The following MACROD2 variants were observed in gnomAD, a reference collection of about 807,000 sequenced individuals.
MACROD2 encodes ADP-ribose glycohydrolase MACROD2.
MACROD2 carries 36 observed loss-of-function variants against 70.4 expected under a neutral mutation model. That is an observed-to-expected ratio of 0.51 (90% confidence interval 0.39 to 0.68). The LOEUF is 0.68. MACROD2 is among the 30% of genes least tolerant of loss of function. The probability of loss-of-function intolerance (pLI) is 0.00; values close to 1 mark genes in which losing one functional copy is unlikely to be tolerated. For missense variants in MACROD2, 496 were observed against 538.4 expected (o/e 0.92, Z 0.78); for synonymous variants, 172 against 178.8 (o/e 0.96, Z 0.30).
At chr20:15,854,748 G>A (rs1283772417) in intron 8 of MACROD2, among the ~76,000 whole-genome samples, 1 of 152,184 alleles carries the variant, frequency 6.6e-6, no homozygotes, top group Non-Finnish European at 1.5e-5. Context: ...TAATTAATCT[G>A]TAGTGATTGC....
At chr20:15,968,836 TATAC>T (rs1167971149) in intron 13 of MACROD2, among the ~76,000 whole-genome samples, 2 of 101,098 alleles carry the variant, frequency 2.0e-5, no homozygotes, top group African/African-American at 7.2e-5. Context: ...TATATATATA[TATAC>T]ACACATATAC....
intron 15 of MACROD2, among the ~76,000 whole-genome samples, chr20:16,008,115 G>C (rs1308518012): frequency 6.6e-6 from 1 of 152,180 alleles, no homozygotes; most frequent in African/African-American, 2.4e-5. Context: ...TGACGTTTCT[G>C]CTGACTCATC....
intron 2 of MACROD2, among the ~76,000 whole-genome samples, chr20:14,013,562 G>A (rs1433159068): frequency 1.3e-5 from 2 of 151,674 alleles, no homozygotes; most frequent in African/African-American, 2.4e-5. Context: ...GTTAGCCACC[G>A]TGCCCAGCTG....
At chr20:14,842,141 C>T (rs985788794) in intron 5 of MACROD2, among the ~76,000 whole-genome samples, 6 of 152,012 alleles carry the variant, frequency 3.9e-5, no homozygotes, top group African/African-American at 9.7e-5. Flanking sequence ...CATCGCATGG[C>T]GAGACCGACC....
chr20:14,501,437 A>G (rs1600308763), intron 4 of MACROD2, among the ~76,000 whole-genome samples: 1 of 151,936 alleles, frequency 6.6e-6, no homozygotes, highest in Admixed American at 6.6e-5. Flanking sequence ...TATTACTAAT[A>G]TGTATACTAG....
chr20:14,210,979 G>A (rs1053558855), intron 3 of MACROD2, among the ~76,000 whole-genome samples: 1 of 152,194 alleles, frequency 6.6e-6, no homozygotes, highest in African/African-American at 2.4e-5. Flanking sequence ...AAGACCATAT[G>A]CATTGAGGTT....
At chr20:15,840,191 A>C (rs2064155743) in intron 8 of MACROD2, among the ~76,000 whole-genome samples, 1 of 152,200 alleles carries the variant, frequency 6.6e-6, no homozygotes, top group Non-Finnish European at 1.5e-5. Context: ...TGACCAGCCC[A>C]TGAGGATTTG....
chr20:14,929,039 TAATTA>T (rs1474530504), intron 5 of MACROD2, among the ~76,000 whole-genome samples: 3 of 152,192 alleles, frequency 2.0e-5, no homozygotes, highest in Admixed American at 2.0e-4. Context: ...TGAGAGAAAC[TAATTA>T]ATTGCTGACT....
At chr20:15,636,471 G>T (rs2049371100) in intron 8 of MACROD2, among the ~76,000 whole-genome samples, 1 of 152,102 alleles carries the variant, frequency 6.6e-6, no homozygotes, top group Non-Finnish European at 1.5e-5. Context: ...TTTTTTGTAT[G>T]CATCATCTCA....
intron 6 of MACROD2, among the ~76,000 whole-genome samples, chr20:15,378,500 A>C (rs972494848): frequency 6.6e-6 from 1 of 152,132 alleles, no homozygotes; most frequent in Non-Finnish European, 1.5e-5. Flanking sequence ...GATTATAATA[A>C]TGTATCTTGC....
chr20:15,559,226 C>CA (rs148608040), intron 8 of MACROD2, among the ~76,000 whole-genome samples: 1,062 of 43,082 alleles, frequency 0.025, 82 homozygotes, highest in Middle Eastern at 0.037. Flanking sequence ...AACTCCGTCT[C>CA]AAAAAAAAAA....
intron 2 of MACROD2, among the ~76,000 whole-genome samples, chr20:14,061,593 G>C (rs572920310): frequency 2.0e-5 from 3 of 152,044 alleles, no homozygotes; most frequent in Non-Finnish European, 4.4e-5. Context: ...GGACAGATGT[G>C]TATTTCCACT....
At chr20:15,161,952 A>G (rs912734318) in intron 5 of MACROD2, among the ~76,000 whole-genome samples, 10 of 152,060 alleles carry the variant, frequency 6.6e-5, no homozygotes, top group African/African-American at 2.2e-4. Context: ...CACTTTTTAG[A>G]TGTTGATAAG....
chr20:15,952,216 C>A, intron 12 of MACROD2, among the ~76,000 whole-genome samples: 1 of 152,054 alleles, frequency 6.6e-6, no homozygotes, highest in Admixed American at 6.6e-5. Flanking sequence ...TGTTTTTCTT[C>A]CCGGTCTTGA....
chr20:15,716,981 T>A (rs2050716514), intron 8 of MACROD2, among the ~76,000 whole-genome samples: 1 of 152,224 alleles, frequency 6.6e-6, no homozygotes, highest in South Asian at 2.1e-4. Context: ...CCCATTCTGT[T>A]GATAAAAGCA....
chr20:15,659,216 G>A (rs115024452), intron 8 of MACROD2, among the ~76,000 whole-genome samples: 1 of 149,460 alleles, frequency 6.7e-6, no homozygotes, highest in South Asian at 2.1e-4. Context: ...TGATACCTTG[G>A]TTATTTCCAT....
chr20:15,503,499 T>C (rs1401414947), intron 8 of MACROD2, among the ~76,000 whole-genome samples: 1 of 152,166 alleles, frequency 6.6e-6, no homozygotes, highest in Admixed American at 6.5e-5. Flanking sequence ...TAAAGGAGAA[T>C]GTGTTGTATA....
intron 2 of MACROD2, among the ~76,000 whole-genome samples, chr20:14,036,666 A>G (rs1339663106): frequency 6.6e-6 from 1 of 152,106 alleles, no homozygotes; most frequent in East Asian, 1.9e-4. Context: ...CCACTTAGTA[A>G]ATATCTATTG....
chr20:14,848,138 T>G lies in MACROD2; in HGVS notation c.418+163179T>G, dbSNP rs191815896. 9.0e-4 allele frequency among the ~76,000 whole-genome samples: 137 copies of G among 152,312 alleles called. 1 individual carries two copies. The highest frequency in any genetic ancestry group is 3.4e-3 in the Middle Eastern group (1 of 294). ...TCTCTAACTGGAGTGAAATTAAAAT[T>G]GATGGATATTTTGATAAGATTACTA... On this transcript the variant is annotated intron_variant, in intron 5 of 17. Coordinates refer to ENST00000684519, the MANE Select transcript of MACROD2 (RefSeq NM_001351661.2).
Sources: allele counts gnomAD v4.1 joint callset (sites outside exome capture counted in the v4.1 genomes callset), GRCh38; gene constraint gnomAD v4.1.1; transcripts MANE v1.5; gene names NCBI Gene and HGNC (gene_info 2026-07-23, HGNC 2026-07-21).